FER: variants seen among roughly 807,000 people sequenced by gnomAD.
The protein encoded by FER is FER tyrosine kinase, also known as tyrosine-protein kinase Fer.
In FER, 63 loss-of-function variants were observed where a neutral mutation model predicts 111.0. The observed-to-expected ratio is 0.57, with a 90% CI of 0.46 to 0.70. The LOEUF (loss-of-function observed/expected upper bound fraction) is 0.70, where lower values mean the gene tolerates loss of function less well. Among genes scored for constraint, FER ranks in the 30% least tolerant of loss-of-function variants. The probability of loss-of-function intolerance (pLI) is 0.00; values close to 1 mark genes in which losing one functional copy is unlikely to be tolerated. For synonymous variants in FER, 327 were observed against 313.9 expected (o/e 1.04, Z -0.44); for missense variants, 914 against 954.0 (o/e 0.96, Z 0.55).
intron 17 of FER, among the ~76,000 whole-genome samples, chr5:109,119,582 T>C (rs1192580716): frequency 6.6e-6 from 1 of 152,124 alleles, no homozygotes; most frequent in African/African-American, 2.4e-5. Flanking sequence ...TTCTGTCTCG[T>C]TGATCTGTCT....
intron 10 of FER, among the ~76,000 whole-genome samples, chr5:108,898,671 C>A (rs1429198767): frequency 6.9e-6 from 1 of 145,410 alleles, no homozygotes; most frequent in Admixed American, 7.1e-5. Flanking sequence ...TCTTTCTTTT[C>A]TCTCTCTTCC....
rs191811563 is a variant in FER at position 108,870,461 on chromosome 5, C to G, written c.666-904C>G. On this transcript the variant is annotated intron_variant, in intron 6 of 19. Coordinates refer to ENST00000281092, the MANE Select transcript of FER (RefSeq NM_005246.4). Reference sequence around the variant, plus strand: ...ATCTGTATTAAATTTTTCTGCCTCCCCTTTTCTTTAAATTGTGTCTGCCAG... The same window carrying G: ...ATCTGTATTAAATTTTTCTGCCTCCGCTTTTCTTTAAATTGTGTCTGCCAG... Among the ~76,000 whole-genome samples, 72 of 152,118 alleles carry G rather than the reference C, an allele frequency of 4.7e-4. 1 individual carries two copies. The highest frequency in any genetic ancestry group is 3.9e-4 in the East Asian group (2 of 5,174).
At chr5:109,083,307 T>A (rs1401576747) in intron 16 of FER, among the ~76,000 whole-genome samples, 2 of 152,066 alleles carry the variant, frequency 1.3e-5, no homozygotes, top group South Asian at 2.1e-4. Flanking sequence ...TAGGTCTTCA[T>A]CCAGTTCTTA....
chr5:108,774,144 C>T (rs569214190), intron 2 of FER, among the ~76,000 whole-genome samples: 18 of 151,914 alleles, frequency 1.2e-4, no homozygotes, highest in African/African-American at 1.9e-4. Context: ...TGAGTGAGAA[C>T]GTGGGATGTT....
intron 17 of FER, among the ~76,000 whole-genome samples, chr5:109,118,958 G>T (rs1363602509): frequency 6.6e-6 from 1 of 150,750 alleles, no homozygotes; most frequent in African/African-American, 2.4e-5. Flanking sequence ...AAAAAAACCA[G>T]CTGCTGGATT....
Position 109,140,868 on chromosome 5 carries a change from G to C in FER, c.2049-39879G>C, listed in dbSNP as rs150723437. Among the ~76,000 whole-genome samples, 1,184 of 152,282 alleles carry C rather than the reference G, an allele frequency of 7.8e-3. 12 individuals carry two copies. The highest frequency in any genetic ancestry group is 0.028 in the African/African-American group (1,147 of 41,554). ...CTTTATCATTTAAGTGAAGTTGCAAGAACAGTCCCCTCATAAGTCATTATT... is the reference window on the plus strand; with the variant it reads ...CTTTATCATTTAAGTGAAGTTGCAACAACAGTCCCCTCATAAGTCATTATT... On this transcript the variant is annotated intron_variant, in intron 17 of 19. Coordinates refer to ENST00000281092, the MANE Select transcript of FER (RefSeq NM_005246.4).
chr5:108,783,498 G>C (rs1329891369), intron 2 of FER, among the ~76,000 whole-genome samples: 1 of 152,012 alleles, frequency 6.6e-6, no homozygotes, highest in Non-Finnish European at 1.5e-5. Context: ...ATTTTTCTTG[G>C]TTCTTGGTGT....
At chr5:109,030,166 C>CT (rs1189855425) in intron 13 of FER, among the ~76,000 whole-genome samples, 4 of 151,942 alleles carry the variant, frequency 2.6e-5, no homozygotes, top group South Asian at 2.1e-4. Flanking sequence ...TTATTTGGTT[C>CT]TTTTTTTAAT....
chr5:108,987,394 T>C (rs568040288), intron 13 of FER, among the ~76,000 whole-genome samples: 8 of 152,012 alleles, frequency 5.3e-5, no homozygotes, highest in Non-Finnish European at 7.4e-5. Context: ...TGCAGTGAGA[T>C]GAGATCACGC....
chr5:108,890,937 G>A (rs1747947952), intron 9 of FER, among the ~76,000 whole-genome samples: 1 of 152,044 alleles, frequency 6.6e-6, no homozygotes. Flanking sequence ...TAATTGTATG[G>A]TAATTGTATG....
chr5:109,154,322 C>CTT (rs1561965016), intron 17 of FER, among the ~76,000 whole-genome samples: 1 of 151,826 alleles, frequency 6.6e-6, no homozygotes, highest in East Asian at 1.9e-4. Flanking sequence ...AAGTGTATCA[C>CTT]CAGTTTTGAG....
rs1317182151 is a variant in FER at position 109,195,391 on chromosome 5, G to T, written c.*7816G>T. ...CTTAGATTCTAGACCTCTCATACCT[G>T]CAGTGTACAGAATATGTACATGTTC... is the stretch of plus-strand genomic sequence containing the variant. On this transcript the variant is annotated 3_prime_UTR_variant, in exon 20 of 20. Coordinates refer to ENST00000281092, the MANE Select transcript of FER (RefSeq NM_005246.4). 6.6e-6 allele frequency: 1 copy of T among 152,098 alleles called. No individual in the cohort carries two copies. The highest frequency in any genetic ancestry group is 2.4e-5 in the African/African-American group (1 of 41,404). 9.4% of individuals were successfully genotyped at this position (152,098 alleles called of 1,614,324 possible).
chr5:108,764,087 C>T (rs1483347626), intron 1 of FER, among the ~76,000 whole-genome samples: 1 of 152,118 alleles, frequency 6.6e-6, no homozygotes, highest in African/African-American at 2.4e-5. Flanking sequence ...GGTTATGTTC[C>T]TACCCCAGAA....
chr5:109,127,110 T>C (rs1015679118), intron 17 of FER, among the ~76,000 whole-genome samples: 1 of 152,248 alleles, frequency 6.6e-6, no homozygotes, highest in Non-Finnish European at 1.5e-5. Context: ...TCACATGTTA[T>C]AAATATGTAT....
rs1201819608 is a variant in FER at position 108,992,639 on chromosome 5, C to T, written c.1656+33292C>T. On this transcript the variant is annotated intron_variant, in intron 13 of 19. Coordinates refer to ENST00000281092, the MANE Select transcript of FER (RefSeq NM_005246.4). Reference sequence around the variant, plus strand: ...GCTGGCCGGGCGGGGGGCTGACCACCCCACCTCCCTCCCGGACGGGGCGGC... The same window carrying T: ...GCTGGCCGGGCGGGGGGCTGACCACTCCACCTCCCTCCCGGACGGGGCGGC... 4.5e-4 allele frequency among the ~76,000 whole-genome samples: 65 copies of T among 144,638 alleles called. 1 individual carries two copies. The highest frequency in any genetic ancestry group is 1.5e-3 in the African/African-American group (60 of 40,656). 94.9% of individuals were successfully genotyped at this position (144,638 alleles called of 152,430 possible).
intron 16 of FER, among the ~76,000 whole-genome samples, chr5:109,064,956 A>T (rs1208593590): frequency 6.6e-6 from 1 of 152,200 alleles, no homozygotes; most frequent in Middle Eastern, 3.2e-3. Context: ...ACAAAGTTTA[A>T]TGTAATATTT....
intron 3 of FER, among the ~76,000 whole-genome samples, chr5:108,813,729 G>A (rs1757994768): frequency 6.6e-6 from 1 of 151,988 alleles, no homozygotes; most frequent in South Asian, 2.1e-4. Context: ...TATTAATGAG[G>A]TTAACTTTAA....
At chr5:108,830,443 G>T (rs1308477621) in intron 3 of FER, among the ~76,000 whole-genome samples, 1 of 152,154 alleles carries the variant, frequency 6.6e-6, no homozygotes, top group Non-Finnish European at 1.5e-5. Flanking sequence ...GATGGAGCAA[G>T]ACTCCATCTC....
rs930495764 is a variant in FER, at chr5:108,867,735, T to C, written c.482-32T>C. The C allele has an allele frequency of 3.8e-6, 6 of 1,582,708 alleles. No individual in the cohort carries two copies. In the African/African-American group the frequency reaches 6.9e-5, roughly 18 times the overall value. On this transcript the variant is annotated intron_variant, in intron 5 of 19. Coordinates refer to ENST00000281092, the MANE Select transcript of FER (RefSeq NM_005246.4). ...GATACAATTTTTTTTCTTATCTCTTTACTAACTTTCTTCAGTTTTTTTTTT... is the reference window on the plus strand; with the variant it reads ...GATACAATTTTTTTTCTTATCTCTTCACTAACTTTCTTCAGTTTTTTTTTT...
Sources: allele counts gnomAD v4.1 joint callset (sites outside exome capture counted in the v4.1 genomes callset), GRCh38; gene constraint gnomAD v4.1.1; transcripts MANE v1.5; gene names NCBI Gene and HGNC (gene_info 2026-07-23, HGNC 2026-07-21).